L3MBTL4: variants seen among roughly 807,000 people sequenced by gnomAD.
L3MBTL4 encodes L3MBTL histone methyl-lysine binding protein 4, also known as lethal(3)malignant brain tumor-like protein 4.
In L3MBTL4, 70 loss-of-function variants were observed where a neutral mutation model predicts 84.5. The observed-to-expected ratio is 0.83, with a 90% CI of 0.68 to 1.01. The LOEUF (loss-of-function observed/expected upper bound fraction) is 1.01, where lower values mean the gene tolerates loss of function less well. Among genes scored for constraint, L3MBTL4 ranks in the 50% least tolerant of loss-of-function variants. The probability of loss-of-function intolerance (pLI) is 0.00; values close to 1 mark genes in which losing one functional copy is unlikely to be tolerated. For synonymous variants in L3MBTL4, 274 were observed against 259.8 expected (o/e 1.05, Z -0.52); for missense variants, 715 against 754.8 (o/e 0.95, Z 0.62).
At chr18:6,031,029 T>C in intron 16 of L3MBTL4, 1 of 985,412 alleles carries the variant, frequency 1.0e-6, no homozygotes, top group Non-Finnish European at 1.2e-6. Flanking sequence ...CATTTTATAG[T>C]TGCTCTCTGG....
intron 14 of L3MBTL4, among the ~76,000 whole-genome samples, chr18:6,105,897 G>A (rs1390261912): frequency 2.0e-5 from 3 of 151,242 alleles, no homozygotes; most frequent in Non-Finnish European, 4.4e-5. Flanking sequence ...TAAAATTATA[G>A]AAAAATCAAA....
intron 1 of L3MBTL4, among the ~76,000 whole-genome samples, chr18:6,383,326 G>T (rs1317924077): frequency 1.3e-5 from 2 of 152,012 alleles, no homozygotes; most frequent in African/African-American, 2.4e-5. Flanking sequence ...GAATGGTTCT[G>T]TCTTGCTGGC....
chr18:6,026,691 G>T (rs1212533743), intron 16 of L3MBTL4, among the ~76,000 whole-genome samples: 2 of 152,180 alleles, frequency 1.3e-5, no homozygotes, highest in Non-Finnish European at 2.9e-5. Context: ...GGGCTGTTTA[G>T]TGAGGACTTA....
chr18:6,234,247 T>G (rs1219320140), intron 10 of L3MBTL4, among the ~76,000 whole-genome samples: 2 of 152,198 alleles, frequency 1.3e-5, no homozygotes, highest in Non-Finnish European at 2.9e-5. Context: ...ATTCAGGACA[T>G]AGGCATGGGC....
intron 1 of L3MBTL4, among the ~76,000 whole-genome samples, chr18:6,324,409 C>T (rs1448501831): frequency 1.3e-5 from 2 of 152,214 alleles, no homozygotes; most frequent in Non-Finnish European, 2.9e-5. Context: ...GGAAAAGCTG[C>T]AGGCACTCAG....
At chr18:6,276,586 A>C (rs1034657794) in intron 4 of L3MBTL4, among the ~76,000 whole-genome samples, 3 of 151,950 alleles carry the variant, frequency 2.0e-5, no homozygotes, top group African/African-American at 7.3e-5. Flanking sequence ...CTCATTTTTC[A>C]TTCCAAAAAT....
chr18:6,081,709 A>C (rs1003601634), intron 15 of L3MBTL4, among the ~76,000 whole-genome samples: 2 of 152,186 alleles, frequency 1.3e-5, no homozygotes, highest in African/African-American at 4.8e-5. Context: ...TGGTCATGGA[A>C]GTACTGTTTT....
intron 1 of L3MBTL4, among the ~76,000 whole-genome samples, chr18:6,320,505 AC>A (rs2051348557): frequency 6.6e-6 from 1 of 152,038 alleles, no homozygotes; most frequent in Non-Finnish European, 1.5e-5. Context: ...CAAATCAGGA[AC>A]CCAAACGCCT....
At chr18:6,350,962 C>G (rs966986031) in intron 1 of L3MBTL4, among the ~76,000 whole-genome samples, 1 of 152,098 alleles carries the variant, frequency 6.6e-6, no homozygotes, top group African/African-American at 2.4e-5. Context: ...GAGGCTAAAG[C>G]GGACAGATCA....
intron 4 of L3MBTL4, among the ~76,000 whole-genome samples, chr18:6,295,344 C>A (rs2347960): frequency 0.042 from 4,374 of 102,938 alleles, 65 homozygotes; most frequent in Non-Finnish European, 0.047. Flanking sequence ...CTCTCTCTCT[C>A]TCTATATATA....
chr18:6,294,413 A>G (rs2050001000), intron 4 of L3MBTL4, among the ~76,000 whole-genome samples: 1 of 152,200 alleles, frequency 6.6e-6, no homozygotes, highest in East Asian at 1.9e-4. Flanking sequence ...GGCAGCTTCA[A>G]TTTCAGCAGC....
intron 18 of L3MBTL4, 47 bp downstream of exon 18, chr18:5,960,047 T>TATAC (rs1555617121): frequency 3.1e-4 from 63 of 204,400 alleles, no homozygotes; most frequent in East Asian, 1.7e-3. Flanking sequence ...TACACACACA[T>TATAC]ATATATATAT....
At chr18:5,967,625 T>G (rs983239090) in intron 17 of L3MBTL4, among the ~76,000 whole-genome samples, 10 of 152,366 alleles carry the variant, frequency 6.6e-5, no homozygotes, top group African/African-American at 2.2e-4. Flanking sequence ...TGAGGGGTTC[T>G]CAAGATGTCA....
intron 15 of L3MBTL4, among the ~76,000 whole-genome samples, chr18:6,091,880 T>C (rs2058470668): frequency 1.3e-5 from 2 of 152,140 alleles, no homozygotes; most frequent in South Asian, 4.1e-4. Flanking sequence ...GATGTACTGG[T>C]CTCTATGATT....
chr18:6,302,008 A>G (rs754225747), intron 3 of L3MBTL4, 51 bp from the exon 4 acceptor site: 1 of 1,365,896 alleles, frequency 7.3e-7, no homozygotes, highest in Non-Finnish European at 1.0e-6. Context: ...AATTGTTGGA[A>G]ACACTGAAAA....
chr18:6,031,629 C>T (rs1043528584), intron 16 of L3MBTL4: 10 of 956,660 alleles, frequency 1.0e-5, no homozygotes, highest in Non-Finnish European at 1.2e-5. Context: ...ATGGCCTTGG[C>T]TGGGATGACC....
chr18:6,085,874 C>G (rs983899035), intron 15 of L3MBTL4, among the ~76,000 whole-genome samples: 1 of 152,118 alleles, frequency 6.6e-6, no homozygotes, highest in South Asian at 2.1e-4. Context: ...ATCTGTTAAC[C>G]CTAGTGACCT....
intron 13 of L3MBTL4, among the ~76,000 whole-genome samples, chr18:6,153,114 C>T (rs977401389): frequency 1.3e-5 from 2 of 152,156 alleles, no homozygotes; most frequent in African/African-American, 4.8e-5. Flanking sequence ...TACTAACATA[C>T]TATTTTGATT....
intron 1 of L3MBTL4, among the ~76,000 whole-genome samples, chr18:6,373,495 A>G (rs1337857674): frequency 2.0e-5 from 3 of 152,068 alleles, no homozygotes; most frequent in Non-Finnish European, 4.4e-5. Context: ...TTCTTCACCA[A>G]ACCCCTATTC....
Sources: gnomAD v4.1 joint callset for allele counts (sites outside exome capture counted in the v4.1 genomes callset) on GRCh38, gnomAD v4.1.1 for gene constraint, MANE v1.5 for transcripts, NCBI Gene and HGNC (gene_info 2026-07-23, HGNC 2026-07-21) for gene names.